The following MYO1E variants were observed in gnomAD, a reference collection of about 807,000 sequenced individuals.
MYO1E encodes the protein myosin IE, also known as unconventional myosin-Ie.
MYO1E carries 68 observed loss-of-function variants against 151.1 expected under a neutral mutation model. The observed-to-expected ratio is 0.45, with a 90% CI of 0.37 to 0.55. The LOEUF (loss-of-function observed/expected upper bound fraction) is 0.55. Ranked by LOEUF, MYO1E falls within the 20% of genes least tolerant of loss-of-function variation. The pLI is 0.00. For missense variants in MYO1E, 1,363 were observed against 1,389.3 expected (o/e 0.98, Z 0.30); for synonymous variants, 601 against 501.7 (o/e 1.20, Z -2.64).
In MYO1E at chr15:59,335,654, A is replaced by C. The variant is rs534727687; in HGVS notation, c.3+36844T>G. 2.3e-4 allele frequency among the ~76,000 whole-genome samples: 35 copies of C among 152,314 alleles called. No individual in the cohort carries two copies. In the South Asian group the frequency reaches 4.1e-3, roughly 18 times the overall value. ...CTGTTTTCCTAGCTACTTGGAGGCC[A>C]CGATGGACTTACATTTAAACTATAT... On this transcript the variant is annotated intron_variant, in intron 1 of 27. Transcript: ENST00000288235.
intron 26 of MYO1E, among the ~76,000 whole-genome samples, chr15:59,141,362 T>C (rs1008809715): frequency 2.6e-5 from 4 of 152,198 alleles, no homozygotes; most frequent in South Asian, 4.1e-4. Flanking sequence ...AGTGTAACAA[T>C]TGCATATAAC....
rs142623198 is a variant in MYO1E, at chr15:59,246,388, G to A, written c.333-9716C>T. 2.0e-3 allele frequency among the ~76,000 whole-genome samples: 299 copies of A among 152,362 alleles called. 2 individuals carry two copies. The highest frequency in any genetic ancestry group is 6.8e-3 in the African/African-American group (283 of 41,588). ...CCACCTGCTGGGATTACAGGCGTGA[G>A]CCACCATGCCCAGCTTCACTATCAT... On this transcript the variant is annotated intron_variant, in intron 4 of 27. Transcript: ENST00000288235.
At chr15:59,316,436 C>CA (rs1191643405) in intron 1 of MYO1E, among the ~76,000 whole-genome samples, 19 of 152,000 alleles carry the variant, frequency 1.3e-4, no homozygotes, top group African/African-American at 4.1e-4. Flanking sequence ...CCAAGTCTGC[C>CA]AAAAAAATTT....
In MYO1E at chr15:59,272,375, T is replaced by C. The variant is rs556498836; in HGVS notation, c.78A>G (p.Leu26=). 3 of 1,614,014 alleles carry C rather than the reference T, an allele frequency of 1.9e-6. No homozygotes were observed. Among genetic ancestry groups the C allele is most frequent in the East Asian group, 4.5e-5 (2 of 44,890 alleles). The change falls in exon 2 of 28, where the codon CTA becomes CTG. Residue 26 remains leucine, a synonymous_variant. Transcript: ENST00000288235. ...TGGAGTTCTCTGTGATCTTGGACAG[T>C]AGCACCATGTCGTCCACACCACTGT... ...VKHSGVDDMV[L]LSKITENSIV... is the part of the protein sequence containing the mutation.
intron 16 of MYO1E, among the ~76,000 whole-genome samples, chr15:59,198,004 A>C (rs1332226095): frequency 2.0e-5 from 3 of 152,144 alleles, no homozygotes; most frequent in Non-Finnish European, 4.4e-5. Flanking sequence ...TGGGACTGGA[A>C]GCACATGCCA....
At chr15:59,315,010 C>T (rs749232356) in intron 1 of MYO1E, among the ~76,000 whole-genome samples, 2 of 152,064 alleles carry the variant, frequency 1.3e-5, no homozygotes, top group Non-Finnish European at 2.9e-5. Context: ...TTTTTAAGCA[C>T]CAGCTCAATT....
intron 1 of MYO1E, chr15:59,341,272 C>A (rs1367285330): frequency 6.6e-6 from 1 of 151,740 alleles, no homozygotes; most frequent in East Asian, 1.9e-4. Context: ...TGACTATAGT[C>A]TTTCTGTTGT....
At chr15:59,238,944 G>A (rs1224040622) in intron 4 of MYO1E, among the ~76,000 whole-genome samples, 6 of 151,318 alleles carry the variant, frequency 4.0e-5, no homozygotes, top group African/African-American at 1.5e-4. Context: ...AATGGCTCGT[G>A]CCTGTAATCC....
At chr15:59,272,257 G>C (rs1447912757) in intron 2 of MYO1E, 49 bp downstream of exon 2, 1 of 1,603,490 alleles carries the variant, frequency 6.2e-7, no homozygotes, top group African/African-American at 1.3e-5. Flanking sequence ...TTTAACTGTG[G>C]ACACTGTAAT....
rs2079364922 is a variant in MYO1E at position 59,135,143 on chromosome 15, C to T, written c.*2237G>A. ...TTCAGCACCATTTGTTGGGCATCTC[C>T]TTGAGCCTGGCACTGGCTGGGCACA... On this transcript the variant is annotated 3_prime_UTR_variant, in exon 28 of 28. Transcript: ENST00000288235. 1 of 152,228 alleles carries T rather than the reference C, an allele frequency of 6.6e-6. No individual in the cohort carries two copies. Among genetic ancestry groups the T allele is most frequent in the Admixed American group, 6.5e-5 (1 of 15,288 alleles). The allele number at this position is 152,228 out of a possible 1,614,324, so 9.4% of individuals were successfully genotyped here.
At chr15:59,195,198 T>C (rs2079759091) in intron 17 of MYO1E, among the ~76,000 whole-genome samples, 1 of 152,114 alleles carries the variant, frequency 6.6e-6, no homozygotes, top group Admixed American at 6.6e-5. Context: ...GGTTATGTTT[T>C]GTTTTTTTTC....
At chr15:59,138,869 T>G (rs1239810653) in intron 26 of MYO1E, among the ~76,000 whole-genome samples, 1 of 152,118 alleles carries the variant, frequency 6.6e-6, no homozygotes, top group African/African-American at 2.4e-5. Context: ...TAGCCAATAT[T>G]TGTGGTCCGA....
chr15:59,354,980 T>G (rs1240443020), intron 1 of MYO1E, among the ~76,000 whole-genome samples: 1 of 152,210 alleles, frequency 6.6e-6, no homozygotes, highest in Non-Finnish European at 1.5e-5. Flanking sequence ...CTTTGAAAAC[T>G]ATTTCCAGTT....
intron 5 of MYO1E, among the ~76,000 whole-genome samples, chr15:59,232,362 G>A (rs1159086549): frequency 6.6e-6 from 1 of 152,206 alleles, no homozygotes; most frequent in Non-Finnish European, 1.5e-5. Context: ...GTTGGGGTAG[G>A]CCCAAGAATC....
chr15:59,360,380 T>A (rs1422145496), intron 1 of MYO1E, among the ~76,000 whole-genome samples: 3 of 152,068 alleles, frequency 2.0e-5, no homozygotes, highest in Non-Finnish European at 2.9e-5. Flanking sequence ...AATTTTTGTC[T>A]GTGTGTGGAA....
chr15:59,152,664 C>T (rs140232021), intron 26 of MYO1E, among the ~76,000 whole-genome samples: 1 of 152,306 alleles, frequency 6.6e-6, no homozygotes, highest in African/African-American at 2.4e-5. Flanking sequence ...CTAGTCCTCC[C>T]AACAAGTTTG....
At position 59,206,794 on chromosome 15, in the gene MYO1E, C is replaced by T. The variant is rs1319373610; in HGVS notation, c.1531-1309G>A. 2.8e-5 allele frequency: 21 copies of T among 748,468 alleles called. 1 individual carries two copies. Among genetic ancestry groups the T allele is most frequent in the South Asian group, 1.5e-4 (8 of 53,012 alleles). 46.4% of individuals were successfully genotyped at this position (748,468 alleles called of 1,614,324 possible). A position where few individuals can be genotyped will look rare whatever the true frequency, so the allele number is the denominator to read the frequency against. On this transcript the variant is annotated intron_variant, in intron 14 of 27. Coordinates refer to ENST00000288235, the MANE Select transcript of MYO1E (RefSeq NM_004998.4). Reference sequence around the variant, plus strand: ...ACGTGTCGGAGACTCTGGCAAGGCCCGCGCAGCCGCAGTAGAGGGCCAGGG... The same window carrying T: ...ACGTGTCGGAGACTCTGGCAAGGCCTGCGCAGCCGCAGTAGAGGGCCAGGG...
At chr15:59,368,869 C>T (rs2080929410) in intron 1 of MYO1E, among the ~76,000 whole-genome samples, 1 of 152,206 alleles carries the variant, frequency 6.6e-6, no homozygotes, top group Non-Finnish European at 1.5e-5. Context: ...ATCCACTGCT[C>T]CACCCATTTT....
chr15:59,144,473 T>G (rs1327739374), intron 26 of MYO1E, among the ~76,000 whole-genome samples: 1 of 152,036 alleles, frequency 6.6e-6, no homozygotes, highest in Non-Finnish European at 1.5e-5. Context: ...GGCCTCTTTA[T>G]TTTTAGAGAT....
Sources: gnomAD v4.1 joint callset for allele counts (sites outside exome capture counted in the v4.1 genomes callset) on GRCh38, gnomAD v4.1.1 for gene constraint, MANE v1.5 for transcripts, NCBI Gene and HGNC (gene_info 2026-07-23, HGNC 2026-07-21) for gene names.